Variants in POTEB observed in about 807,000 individuals in gnomAD.
POTEB encodes POTE ankyrin domain family member B.
intron 9 of POTEB, among the ~76,000 whole-genome samples, chr15:21,854,361 T>C (rs1392655106): frequency 6.8e-6 from 1 of 146,274 alleles, no homozygotes; most frequent in African/African-American, 2.5e-5. Context: ...AAACAGACCA[T>C]GATGAATGGA....
At chr15:21,854,490 G>C (rs1375966073) in intron 9 of POTEB, among the ~76,000 whole-genome samples, 2 of 150,776 alleles carry the variant, frequency 1.3e-5, no homozygotes, top group Non-Finnish European at 3.0e-5. Flanking sequence ...AATAAAATGA[G>C]GTGGAAGAAA....
intron 9 of POTEB, among the ~76,000 whole-genome samples, chr15:21,854,422 T>G (rs1889825311): frequency 6.7e-6 from 1 of 149,762 alleles, no homozygotes; most frequent in Non-Finnish European, 1.5e-5. Context: ...GAAAGCCAAG[T>G]GAAGATGCCG....
intron 9 of POTEB, among the ~76,000 whole-genome samples, chr15:21,850,879 ATG>A (rs1190015000): frequency 3.6e-3 from 13 of 3,660 alleles, no homozygotes; most frequent in Non-Finnish European, 5.0e-3. Flanking sequence ...ATATATATAT[ATG>A]TATGTATACC....
chr15:21,871,738 G>GA (rs372481275), intron 3 of POTEB, among the ~76,000 whole-genome samples: 781 of 11,382 alleles, frequency 0.069, 121 homozygotes, highest in Admixed American at 0.11. Context: ...GGGAAAAATT[G>GA]AAAAAAAAAA....
chr15:21,855,155 C>T (rs1889855377), intron 9 of POTEB, among the ~76,000 whole-genome samples: 1 of 148,134 alleles, frequency 6.8e-6, no homozygotes, highest in Non-Finnish European at 1.5e-5. Flanking sequence ...AGGTGAATAC[C>T]AAAATATATC....
intron 9 of POTEB, among the ~76,000 whole-genome samples, chr15:21,854,456 G>A (rs892141849): frequency 0.14 from 19,127 of 137,558 alleles, 678 homozygotes; most frequent in Admixed American, 0.23. Flanking sequence ...GCCCTCCATT[G>A]GCTCAAATAT....
Position 21,855,306 on chromosome 15 carries a change from G to A in POTEB, c.1298+1486C>T, listed in dbSNP as rs867676442. On this transcript the variant is annotated intron_variant, in intron 9 of 10. Transcript: ENST00000439682. The stretch of plus-strand genomic sequence containing the variant: ...CAAATCCAGGCCACTGACTGTTTTT[G>A]TAAGTAAAGAATCTTGGAACACAGC... 2.8e-3 allele frequency among the ~76,000 whole-genome samples: 417 copies of A among 147,152 alleles called. 2 individuals are homozygous for A. The highest frequency in any genetic ancestry group is 9.7e-3 in the African/African-American group (388 of 39,880).
chr15:21,854,550 A>C (rs1213118024), intron 9 of POTEB, among the ~76,000 whole-genome samples: 1 of 150,710 alleles, frequency 6.6e-6, no homozygotes, highest in East Asian at 1.9e-4. Context: ...TTGAGGAAAA[A>C]CAATGCTGGA....
At chr15:21,847,405 G>A (rs1478706657) in intron 10 of POTEB, among the ~76,000 whole-genome samples, 2 of 65,906 alleles carry the variant, frequency 3.0e-5, no homozygotes, top group African/African-American at 9.8e-5. Flanking sequence ...TTTTTGCCAG[G>A]TCTTCTGATG....
At chr15:21,855,549 AT>A (rs1367990869) in intron 9 of POTEB, among the ~76,000 whole-genome samples, 29 of 125,054 alleles carry the variant, frequency 2.3e-4, no homozygotes, top group South Asian at 5.8e-4. Flanking sequence ...AAAGCCTAAA[AT>A]ATTTACTAAA....
chr15:21,854,467 T>C (rs541938339), intron 9 of POTEB, among the ~76,000 whole-genome samples: 303 of 149,944 alleles, frequency 2.0e-3, no homozygotes, highest in African/African-American at 7.1e-3. Flanking sequence ...GCTCAAATAT[T>C]GCTGACAGAT....
intron 9 of POTEB, among the ~76,000 whole-genome samples, chr15:21,854,723 T>C (rs1595404069): frequency 6.7e-6 from 1 of 148,982 alleles, no homozygotes; most frequent in African/African-American, 2.4e-5. Flanking sequence ...AATAGACAAA[T>C]AGTTTCAAAT....
chr15:21,850,167 A>AATAT (rs1889741880), intron 9 of POTEB, among the ~76,000 whole-genome samples: 1 of 51,054 alleles, frequency 2.0e-5, no homozygotes, highest in African/African-American at 6.3e-5. Context: ...AACAAAAATA[A>AATAT]AAATAAATAA....
At chr15:21,871,400 C>CAA (rs1480983290) in intron 3 of POTEB, among the ~76,000 whole-genome samples, 33 of 17,170 alleles carry the variant, frequency 1.9e-3, no homozygotes, top group African/African-American at 4.6e-3. Context: ...CACACACACA[C>CAA]ACACAAACAA....
chr15:21,854,563 A>C (rs1184611830), intron 9 of POTEB, among the ~76,000 whole-genome samples: 2 of 150,634 alleles, frequency 1.3e-5, no homozygotes, highest in Non-Finnish European at 3.0e-5. Flanking sequence ...ATGCTGGAGG[A>C]CTGCTGAAAT....
intron 9 of POTEB, among the ~76,000 whole-genome samples, chr15:21,854,399 G>T (rs1445654458): frequency 2.0e-5 from 3 of 149,308 alleles, no homozygotes; most frequent in African/African-American, 7.3e-5. Context: ...AAAGCCTGAG[G>T]GAGTGAGGTC....
At chr15:21,854,477 T>C (rs1169980075) in intron 9 of POTEB, among the ~76,000 whole-genome samples, 1 of 150,512 alleles carries the variant, frequency 6.6e-6, no homozygotes, top group Non-Finnish European at 1.5e-5. Flanking sequence ...TGCTGACAGA[T>C]TAAATAAAAT....
chr15:21,847,133 C>A (rs891270045), intron 10 of POTEB, among the ~76,000 whole-genome samples: 1 of 140,608 alleles, frequency 7.1e-6, no homozygotes, highest in African/African-American at 2.5e-5. Flanking sequence ...CTTCTACATA[C>A]AACACTCAAC....
rs574920880 is a variant in POTEB at position 21,855,224 on chromosome 15, C to T, written c.1298+1568G>A. On this transcript the variant is annotated intron_variant, in intron 9 of 10. Coordinates refer to ENST00000439682, the MANE Select transcript of POTEB (RefSeq NM_001277304.2). ...TGGGCACTTTTATAAATAAGTGTTA[C>T]TGCATTAGCAGCACCTTCCTTTTAG... Among the ~76,000 whole-genome samples the T allele has an allele frequency of 1.8e-3, 272 of 148,290 alleles. 2 individuals are homozygous for T. The highest frequency in any genetic ancestry group is 2.4e-3 in the Admixed American group (34 of 14,342).
Sources: allele counts gnomAD v4.1 joint callset (sites outside exome capture counted in the v4.1 genomes callset), GRCh38; gene constraint gnomAD v4.1.1; transcripts MANE v1.5; gene names NCBI Gene and HGNC (gene_info 2026-07-23, HGNC 2026-07-21).